TRAPPC9: variants seen among roughly 807,000 people sequenced by gnomAD.
TRAPPC9 encodes the protein trafficking protein particle complex subunit 9, also known as IKK2 binding protein.
A neutral mutation model predicts 124.0 loss-of-function variants in TRAPPC9; 83 were observed. That is an observed-to-expected ratio of 0.67 (90% CI 0.56 to 0.80). TRAPPC9 has a LOEUF of 0.80. Ranked by LOEUF, TRAPPC9 falls within the 30% of genes least tolerant of loss-of-function variation. The pLI, the probability that TRAPPC9 is intolerant of heterozygous loss-of-function variation, is 0.00. For synonymous variants in TRAPPC9, 638 were observed against 617.5 expected (o/e 1.03, Z -0.49); for missense variants, 1,302 against 1,508.3 (o/e 0.86, Z 2.27).
intron 19 of TRAPPC9, among the ~76,000 whole-genome samples, chr8:139,977,487 G>A (rs562095772): frequency 4.0e-5 from 6 of 151,586 alleles, no homozygotes; most frequent in East Asian, 4.0e-4. Context: ...GCGTGGTGGC[G>A]GGCGCCTGTA....
In TRAPPC9 at chr8:139,742,190, C is replaced by G. The variant is rs912987437; in HGVS notation, c.3056-9988G>C. ...TCTATGGCACTGTGGTTGCCTGGCT[C>G]TGGTTCACCCATCCTGGTGGAGGTG... On this transcript the variant is annotated intron_variant, in intron 21 of 22. Coordinates refer to ENST00000438773, the MANE Select transcript of TRAPPC9 (RefSeq NM_001160372.4). This position sits in a 1 kb window ranked among gnomAD's most constrained non-coding sequence, Gnocchi z 4.7. Among the ~76,000 whole-genome samples the G allele has an allele frequency of 6.6e-6, 1 of 152,356 alleles. No individual in the cohort carries two copies. Among genetic ancestry groups the G allele is most frequent in the Admixed American group, 6.5e-5 (1 of 15,308 alleles).
At chr8:140,137,000 AC>A (rs1563789281) in intron 17 of TRAPPC9, among the ~76,000 whole-genome samples, 1 of 152,180 alleles carries the variant, frequency 6.6e-6, no homozygotes. Flanking sequence ...AAAATGCCCA[AC>A]TAAGCTGCAG....
rs1324290525 is a variant in TRAPPC9, at chr8:139,731,103, G to A, written c.3405C>T (p.Cys1135=). The change falls in exon 23 of 23, where the codon TGC becomes TGT. Residue 1135 remains cysteine, a synonymous_variant. Transcript: ENST00000438773. ...TSKELPPSWF[C]LPSVHVCALE... ...GGGCACACACGTGCACACTGGGCAG[G>A]CAGAACCAAGAGGGTGGCAGCTCCT... 1 of 1,613,802 alleles carries A rather than the reference G, an allele frequency of 6.2e-7. No individual in the cohort carries two copies. Among genetic ancestry groups the A allele is most frequent in the South Asian group, 1.1e-5 (1 of 91,080 alleles).
intron 1 of TRAPPC9, among the ~76,000 whole-genome samples, chr8:140,457,042 C>T (rs2132748569): frequency 2.0e-5 from 3 of 152,362 alleles, no homozygotes; most frequent in Middle Eastern, 6.8e-3. Flanking sequence ...TCCCAGAGAG[C>T]ACCGCCTGAT....
chr8:140,231,332 G>C (rs1294591263), intron 16 of TRAPPC9, among the ~76,000 whole-genome samples: 1 of 152,160 alleles, frequency 6.6e-6, no homozygotes, highest in East Asian at 1.9e-4. Context: ...ACCTAATAAG[G>C]ACATGAATGA....
chr8:139,856,075 G>T (rs1233285686), intron 21 of TRAPPC9, among the ~76,000 whole-genome samples: 1 of 152,192 alleles, frequency 6.6e-6, no homozygotes, highest in Non-Finnish European at 1.5e-5. Flanking sequence ...TTCACAGGCT[G>T]TGTGGGAGGG....
chr8:140,019,122 A>G (rs933430836), intron 18 of TRAPPC9, among the ~76,000 whole-genome samples: 1 of 152,230 alleles, frequency 6.6e-6, no homozygotes, highest in Non-Finnish European at 1.5e-5. Flanking sequence ...TGATCTTTCA[A>G]TGGTAAAACA....
chr8:140,033,467 C>G (rs1840628727), intron 17 of TRAPPC9, among the ~76,000 whole-genome samples: 1 of 151,646 alleles, frequency 6.6e-6, no homozygotes, highest in African/African-American at 2.4e-5. Context: ...CATGGAATAT[C>G]TTTGTAGTCT....
chr8:139,749,888 C>T (rs1819201341), intron 21 of TRAPPC9, among the ~76,000 whole-genome samples: 1 of 152,200 alleles, frequency 6.6e-6, no homozygotes, highest in Non-Finnish European at 1.5e-5. Context: ...AGAAGCGGGG[C>T]CACAGGCAGC....
At position 139,731,012 on chromosome 8, in the gene TRAPPC9, G is replaced by A; in HGVS notation, c.*49C>T. On this transcript the variant is annotated 3_prime_UTR_variant, in exon 23 of 23. Transcript: ENST00000438773. Reference sequence around the variant, plus strand: ...TCATTGCAGGGGGTGTGGGAGGCCAGGCAGGGTCACCTCTGGCCCTGCAGA... The same window carrying A: ...TCATTGCAGGGGGTGTGGGAGGCCAAGCAGGGTCACCTCTGGCCCTGCAGA... 1.9e-6 allele frequency: 3 copies of A among 1,599,000 alleles called. No homozygotes were observed. The highest frequency in any genetic ancestry group is 2.6e-6 in the Non-Finnish European group (3 of 1,172,514).
intron 17 of TRAPPC9, among the ~76,000 whole-genome samples, chr8:140,062,700 T>G (rs534283381): frequency 6.6e-6 from 1 of 152,170 alleles, no homozygotes; most frequent in African/African-American, 2.4e-5. Context: ...TGAGCTCCTA[T>G]GGGGAGCACA....
At chr8:140,458,297 G>C (rs752443466), upstream of TRAPPC9, 1 of 1,559,822 alleles carries the variant, frequency 6.4e-7, no homozygotes, top group Non-Finnish European at 8.7e-7. Flanking sequence ...TTCAGGGCGC[G>C]CAGCTCAAAT....
chr8:140,009,167 C>T (rs1451098624), intron 18 of TRAPPC9, among the ~76,000 whole-genome samples: 2 of 152,162 alleles, frequency 1.3e-5, no homozygotes, highest in African/African-American at 4.8e-5. Flanking sequence ...AAAGGAAAGT[C>T]TTAAGTCCTT....
intron 17 of TRAPPC9, among the ~76,000 whole-genome samples, chr8:140,060,409 G>C (rs537589608): frequency 6.6e-6 from 1 of 152,226 alleles, no homozygotes; most frequent in East Asian, 1.9e-4. Context: ...ACCCCCAGAA[G>C]ACTCTGGAGC....
chr8:140,024,383 T>C (rs948270509), intron 17 of TRAPPC9, among the ~76,000 whole-genome samples: 1 of 148,668 alleles, frequency 6.7e-6, no homozygotes, highest in Non-Finnish European at 1.5e-5. Flanking sequence ...AAACTTACTC[T>C]GTGGTTAAAT....
At chr8:140,082,557 A>T (rs1007459024) in intron 17 of TRAPPC9, among the ~76,000 whole-genome samples, 6 of 152,192 alleles carry the variant, frequency 3.9e-5, no homozygotes, top group African/African-American at 1.4e-4. Flanking sequence ...ACAAAAGAAA[A>T]GGGGTAAAGG....
In TRAPPC9 at chr8:140,366,617, C is replaced by A. The variant is rs141242059; in HGVS notation, c.1351+4347G>T. On this transcript the variant is annotated intron_variant, in intron 8 of 22. Coordinates refer to ENST00000438773, the MANE Select transcript of TRAPPC9 (RefSeq NM_001160372.4). The stretch of plus-strand genomic sequence containing the variant: ...CAAATGCAGGATGAGAAAATACAAA[C>A]CTCCCAGAAGTTAACACAAGAGAAA... Among the ~76,000 whole-genome samples, 83 of 152,284 alleles carry A rather than the reference C, an allele frequency of 5.5e-4. No homozygotes were observed. The East Asian group carries it at 0.015, about 28-fold the overall frequency.
At chr8:140,118,168 G>A (rs926096785) in intron 17 of TRAPPC9, among the ~76,000 whole-genome samples, 5 of 152,164 alleles carry the variant, frequency 3.3e-5, no homozygotes, top group South Asian at 2.1e-4. Context: ...CGTGGGTGGC[G>A]CTTTGATACC....
chr8:140,215,280 C>T lies in TRAPPC9; in HGVS notation c.2556+6179G>A, dbSNP rs781188092. Among the ~76,000 whole-genome samples, 26 of 152,126 alleles carry T rather than the reference C, an allele frequency of 1.7e-4. No individual in the cohort carries two copies. The East Asian group carries it at 1.7e-3, about 10-fold the overall frequency. ...GCACCTTTACCTAGAAGGCCCTTCA[C>T]GGACCTTTCCCATCAGATCCTGTCC... On this transcript the variant is annotated intron_variant, in intron 17 of 22. Coordinates refer to ENST00000438773, the MANE Select transcript of TRAPPC9 (RefSeq NM_001160372.4).
Sources: gnomAD v4.1 joint callset for allele counts (sites outside exome capture counted in the v4.1 genomes callset) on GRCh38, gnomAD v4.1.1 for gene constraint, Gnocchi (gnomAD v3.1) non-coding constraint, MANE v1.5 for transcripts, NCBI Gene and HGNC (gene_info 2026-07-23, HGNC 2026-07-21) for gene names.